Variants in MACROD2 observed in about 807,000 individuals in gnomAD.
MACROD2 encodes the protein ADP-ribose glycohydrolase MACROD2.
MACROD2 carries 36 observed loss-of-function variants against 70.4 expected under a neutral mutation model. The observed-to-expected ratio is 0.51, with a 90% confidence interval of 0.39 to 0.68. The LOEUF is 0.68. Among genes scored for constraint, MACROD2 ranks in the 30% least tolerant of loss-of-function variants. The probability of loss-of-function intolerance (pLI) is 0.00; values close to 1 mark genes in which losing one functional copy is unlikely to be tolerated. For missense variants in MACROD2, 496 were observed against 538.4 expected (o/e 0.92, Z 0.78); for synonymous variants, 172 against 178.8 (o/e 0.96, Z 0.30).
intron 2 of MACROD2, among the ~76,000 whole-genome samples, chr20:14,073,062 AT>A (rs1465832584): frequency 1.3e-5 from 2 of 152,206 alleles, no homozygotes; most frequent in Non-Finnish European, 2.9e-5. Flanking sequence ...GCGGCTGGGC[AT>A]AGTGGTTCAT....
intron 5 of MACROD2, among the ~76,000 whole-genome samples, chr20:14,700,523 G>T (rs7263557): frequency 0.17 from 6,765 of 40,104 alleles, 158 homozygotes; most frequent in South Asian, 0.29. Context: ...ACATATGGTG[G>T]TGTGTGTGTG....
chr20:14,560,341 G>T (rs1312742484), intron 4 of MACROD2, among the ~76,000 whole-genome samples: 2 of 69,038 alleles, frequency 2.9e-5, no homozygotes, highest in South Asian at 7.7e-4. Flanking sequence ...ACACACACAG[G>T]TGCACGCATG....
chr20:14,701,617 A>C lies in MACROD2; in HGVS notation c.418+16658A>C, dbSNP rs1166255210. ...GAATGAATGGAAACTTTGCTGCTGC[A>C]ATTCATTAGATTTTTACGTTATAAA... On this transcript the variant is annotated intron_variant, in intron 5 of 17. Coordinates refer to ENST00000684519, the MANE Select transcript of MACROD2 (RefSeq NM_001351661.2). Among the ~76,000 whole-genome samples, 182 of 152,306 alleles carry C rather than the reference A, an allele frequency of 1.2e-3. 4 individuals carry two copies. Among genetic ancestry groups the C allele is most frequent in the Non-Finnish European group, 2.9e-4 (20 of 68,020 alleles).
chr20:14,802,547 A>C lies in MACROD2; in HGVS notation c.418+117588A>C, dbSNP rs145083631. Among the ~76,000 whole-genome samples the C allele has an allele frequency of 8.5e-5, 13 of 152,202 alleles. No individual in the cohort carries two copies. In the East Asian group the frequency reaches 2.5e-3, roughly 29 times the overall value. The stretch of plus-strand genomic sequence containing the variant: ...CAATTATTTCTTTTAATTTAGACAT[A>C]TCTAGTGTACATGCTGAGTGTGCCT... On this transcript the variant is annotated intron_variant, in intron 5 of 17. Coordinates refer to ENST00000684519, the MANE Select transcript of MACROD2 (RefSeq NM_001351661.2).
At chr20:15,840,056 A>C (rs951726174) in intron 8 of MACROD2, among the ~76,000 whole-genome samples, 1 of 152,304 alleles carries the variant, frequency 6.6e-6, no homozygotes, top group African/African-American at 2.4e-5. Context: ...AATATTACCT[A>C]TGATTATTTT....
chr20:15,023,200 A>G (rs1042094090), intron 5 of MACROD2, among the ~76,000 whole-genome samples: 1 of 152,316 alleles, frequency 6.6e-6, no homozygotes, highest in South Asian at 2.1e-4. Flanking sequence ...TCTAGAAGAA[A>G]AAGCCTTGGG....
chr20:15,062,551 G>T (rs533170056), intron 5 of MACROD2, among the ~76,000 whole-genome samples: 3 of 152,166 alleles, frequency 2.0e-5, no homozygotes, highest in South Asian at 4.2e-4. Flanking sequence ...AATCCTTGGA[G>T]TAGAAAGTGA....
At chr20:15,223,879 G>A (rs1453526635) in intron 5 of MACROD2, among the ~76,000 whole-genome samples, 1 of 152,130 alleles carries the variant, frequency 6.6e-6, no homozygotes, top group Non-Finnish European at 1.5e-5. Flanking sequence ...AGAATATTGT[G>A]GTAGTGATGC....
chr20:14,229,642 A>G (rs2122198077), intron 3 of MACROD2, among the ~76,000 whole-genome samples: 1 of 152,326 alleles, frequency 6.6e-6, no homozygotes. Context: ...TTTGGAAGAC[A>G]GGTTGGTAGG....
intron 8 of MACROD2, among the ~76,000 whole-genome samples, chr20:15,834,712 A>G (rs2064093957): frequency 6.6e-6 from 1 of 152,204 alleles, no homozygotes; most frequent in South Asian, 2.1e-4. Flanking sequence ...CTGATGATTT[A>G]AACAGTTTCA....
At chr20:16,022,281 G>C (rs959761123) in intron 15 of MACROD2, among the ~76,000 whole-genome samples, 1 of 152,106 alleles carries the variant, frequency 6.6e-6, no homozygotes, top group East Asian at 1.9e-4. Flanking sequence ...TCGATCTCCT[G>C]ACATTGTGAT....
At chr20:15,821,727 AC>A (rs1028556775) in intron 8 of MACROD2, among the ~76,000 whole-genome samples, 3 of 152,208 alleles carry the variant, frequency 2.0e-5, no homozygotes, top group Non-Finnish European at 2.9e-5. Context: ...TGTATTAGGT[AC>A]TATAAGTACT....
chr20:14,634,992 A>G (rs926244060), intron 4 of MACROD2, among the ~76,000 whole-genome samples: 1 of 152,146 alleles, frequency 6.6e-6, no homozygotes, highest in Non-Finnish European at 1.5e-5. Flanking sequence ...TGGGGTTAGC[A>G]TTTTAGTCCA....
At chr20:15,141,703 T>G (rs2076193589) in intron 5 of MACROD2, among the ~76,000 whole-genome samples, 1 of 152,198 alleles carries the variant, frequency 6.6e-6, no homozygotes, top group African/African-American at 2.4e-5. Flanking sequence ...CTTAATATTC[T>G]TTGCCACTTT....
chr20:15,006,043 G>A (rs2075033182), intron 5 of MACROD2, among the ~76,000 whole-genome samples: 1 of 151,830 alleles, frequency 6.6e-6, no homozygotes, highest in Non-Finnish European at 1.5e-5. Context: ...TTGCATTCTT[G>A]AGTGACTGTT....
At chr20:14,568,130 AC>A (rs1979929597) in intron 4 of MACROD2, among the ~76,000 whole-genome samples, 1 of 152,152 alleles carries the variant, frequency 6.6e-6, no homozygotes, top group Admixed American at 6.6e-5. Context: ...TAATAAGCAT[AC>A]TTTTGTGTTA....
At chr20:15,689,885 G>C (rs2050277181) in intron 8 of MACROD2, among the ~76,000 whole-genome samples, 1 of 152,158 alleles carries the variant, frequency 6.6e-6, no homozygotes, top group Admixed American at 6.5e-5. Context: ...TCAGTCCATG[G>C]GGCCAGCAAA....
At chr20:15,949,115 T>A (rs887399533) in intron 12 of MACROD2, among the ~76,000 whole-genome samples, 1 of 152,220 alleles carries the variant, frequency 6.6e-6, no homozygotes, top group African/African-American at 2.4e-5. Flanking sequence ...ACCATTGCTG[T>A]GTGGCCTTAG....
At chr20:14,412,309 A>G (rs1030449168) in intron 3 of MACROD2, among the ~76,000 whole-genome samples, 1 of 152,178 alleles carries the variant, frequency 6.6e-6, no homozygotes, top group Non-Finnish European at 1.5e-5. Context: ...CTCTGCTTTC[A>G]ACGCAGGCTT....
Sources: allele counts gnomAD v4.1 joint callset (sites outside exome capture counted in the v4.1 genomes callset), GRCh38; gene constraint gnomAD v4.1.1; transcripts MANE v1.5; gene names NCBI Gene and HGNC (gene_info 2026-07-23, HGNC 2026-07-21).